SCN10A: variants seen among roughly 807,000 people sequenced by gnomAD.
SCN10A encodes sodium voltage-gated channel alpha subunit 10, also known as sodium channel protein type 10 subunit alpha.
Under a neutral mutation model 170.7 loss-of-function variants are expected in SCN10A, and 162 were observed. The ratio of observed to expected loss-of-function variants is 0.95; its 90% CI spans 0.84 to 1.08. SCN10A has a LOEUF of 1.08. Ranked by LOEUF, SCN10A falls within the 50% of genes least tolerant of loss-of-function variation. The pLI, the probability that SCN10A is intolerant of heterozygous loss-of-function variation, is 0.00. For missense variants in SCN10A, 2,527 were observed against 2,436.9 expected (o/e 1.04, Z -0.78); for synonymous variants, 985 against 904.6 (o/e 1.09, Z -1.59).
chr3:38,735,278 G>A (rs2063549423), intron 15 of SCN10A, among the ~76,000 whole-genome samples: 1 of 151,176 alleles, frequency 6.6e-6, no homozygotes, highest in South Asian at 2.1e-4. Context: ...TAAATTATTA[G>A]AATTAATAAG....
At chr3:38,749,927 G>A (rs2063729522) in intron 13 of SCN10A, 146 bp downstream of exon 13, 1 of 441,228 alleles carries the variant, frequency 2.3e-6, no homozygotes, top group Non-Finnish European at 4.0e-6. Flanking sequence ...AAAGATGGTG[G>A]GGCCTAAGAC....
chr3:38,697,535 A>G lies in SCN10A; in HGVS notation c.5685T>C (p.Val1895=), dbSNP rs373128353. The G allele has an allele frequency of 1.2e-6, 2 of 1,614,072 alleles. No individual in the cohort carries two copies. The highest frequency in any genetic ancestry group is 2.7e-5 in the African/African-American group (2 of 74,928). Residue 1895 remains valine (V), a synonymous_variant, in exon 28 of 28, where the codon GTT becomes GTC. Transcript: ENST00000449082. ...CACAATTTTCATTTGCTGTGAATGC[A>G]ACAAAACCTTCATCTGGGAGTGATG... ...EAASLPDEGF[V]AFTANENCVL...
chr3:38,801,508 G>A (rs79841543), intron 1 of SCN10A, among the ~76,000 whole-genome samples: 2,492 of 152,226 alleles, frequency 0.016, 50 homozygotes, highest in African/African-American at 0.056. Context: ...TCTGGGGCAG[G>A]TCTGGCTGAC....
intron 1 of SCN10A, among the ~76,000 whole-genome samples, chr3:38,805,272 G>A (rs1306947785): frequency 2.0e-5 from 3 of 152,120 alleles, no homozygotes; most frequent in African/African-American, 7.2e-5. Context: ...GACTGAGCTG[G>A]TGCTGAGAAA....
intron 4 of SCN10A, among the ~76,000 whole-genome samples, chr3:38,778,207 T>C (rs965061573): frequency 8.5e-5 from 13 of 152,052 alleles, no homozygotes; most frequent in East Asian, 1.9e-4. Context: ...CTTTGCCAGG[T>C]GAGAAAACAT....
At chr3:38,772,225 A>G (rs181660507) in intron 4 of SCN10A, among the ~76,000 whole-genome samples, 48 of 152,108 alleles carry the variant, frequency 3.2e-4, no homozygotes, top group Admixed American at 7.2e-4. Flanking sequence ...TTTAGAGCCC[A>G]TGAAGATGCT....
chr3:38,750,996 T>C (rs1308228526), intron 12 of SCN10A, among the ~76,000 whole-genome samples: 1 of 152,210 alleles, frequency 6.6e-6, no homozygotes, highest in East Asian at 1.9e-4. Flanking sequence ...CTCTACCTTC[T>C]CCACTGTCTC....
chr3:38,741,104 T>C (rs1315031069), intron 14 of SCN10A, among the ~76,000 whole-genome samples: 2 of 152,090 alleles, frequency 1.3e-5, no homozygotes, highest in East Asian at 3.9e-4. Flanking sequence ...TAGGGACAAG[T>C]AGTCACATTT....
At chr3:38,740,983 G>A (rs2063625269) in intron 14 of SCN10A, among the ~76,000 whole-genome samples, 5 of 152,086 alleles carry the variant, frequency 3.3e-5, no homozygotes, top group Admixed American at 3.3e-4. Flanking sequence ...ACTTTAGGAT[G>A]TGACCTCAGC....
In SCN10A at chr3:38,725,284, C is replaced by CTGG. The variant is rs1449757923; in HGVS notation, c.3117_3118insCCA (p.Cys1039_Gly1040insPro). 9 of 1,590,042 alleles carry CTGG rather than the reference C, an allele frequency of 5.7e-6. No homozygotes were observed. The highest frequency in any genetic ancestry group is 7.7e-6 in the Non-Finnish European group (9 of 1,162,456). On this transcript the variant is annotated inframe_insertion, in exon 18 of 28. Coordinates refer to ENST00000449082, the MANE Select transcript of SCN10A (RefSeq NM_006514.4). Reference sequence around the variant, plus strand: ...GGGCTCCTGGGTGTCAGGTGGTCCCCACACCTCTCGACTTGCTGCAGCTGC... The same window carrying CTGG: ...GGGCTCCTGGGTGTCAGGTGGTCCCCTGGACACCTCTCGACTTGCTGCAGCTGC...
intron 6 of SCN10A, 140 bp from the exon 7 acceptor site, chr3:38,761,523 C>G: frequency 1.8e-6 from 1 of 567,624 alleles, no homozygotes; most frequent in Non-Finnish European, 2.9e-6. Flanking sequence ...CAAGACCTTT[C>G]TCATCCGAAG....
In SCN10A at chr3:38,737,725, C is replaced by T. The variant is rs1466606757; in HGVS notation, c.2280+1790G>A. Among the ~76,000 whole-genome samples the T allele has an allele frequency of 1.1e-4, 17 of 150,396 alleles. No individual in the cohort carries two copies. In the South Asian group the frequency reaches 2.4e-3, roughly 21 times the overall value. On this transcript the variant is annotated intron_variant, in intron 15 of 27. Transcript: ENST00000449082. ...TGACAATAATGGACAGGCCATAGCT[C>T]GTCCTTCCCTCCCTCCCTCCCTCTC...
chr3:38,799,231 C>T (rs74828880), intron 1 of SCN10A, among the ~76,000 whole-genome samples: 3,308 of 152,248 alleles, frequency 0.022, 105 homozygotes, highest in African/African-American at 0.074. Flanking sequence ...CTTTCCTTCC[C>T]TCTCTGGCCC....
intron 4 of SCN10A, among the ~76,000 whole-genome samples, chr3:38,779,479 C>T (rs1559460984): frequency 2.0e-5 from 3 of 152,004 alleles, no homozygotes; most frequent in Non-Finnish European, 4.4e-5. Context: ...CATATTTTTA[C>T]AACAGCATTT....
At chr3:38,792,357 C>T (rs2064293694) in intron 2 of SCN10A, among the ~76,000 whole-genome samples, 189 bp from the exon 3 acceptor site, 1 of 152,132 alleles carries the variant, frequency 6.6e-6, no homozygotes, top group Non-Finnish European at 1.5e-5. Context: ...GCCATATCCT[C>T]ACCCTCTCAG....
chr3:38,807,863 G>A lies in SCN10A; in HGVS notation c.-33+8174C>T, dbSNP rs978844174. Reference sequence around the variant, plus strand: ...CCTCTCCCCACCTCTTCACATGTGCGCCAACCACCAAGTCACAACCATTTC... The same window carrying A: ...CCTCTCCCCACCTCTTCACATGTGCACCAACCACCAAGTCACAACCATTTC... On this transcript the variant is annotated intron_variant, in intron 1 of 27. Transcript: ENST00000449082. Among the ~76,000 whole-genome samples, 14 of 151,942 alleles carry A rather than the reference G, an allele frequency of 9.2e-5. 1 individual carries two copies. The highest frequency in any genetic ancestry group is 3.3e-4 in the Admixed American group (5 of 15,242).
chr3:38,780,720 T>C (rs1003126543), intron 4 of SCN10A, among the ~76,000 whole-genome samples: 3 of 152,126 alleles, frequency 2.0e-5, no homozygotes, highest in African/African-American at 7.2e-5. Context: ...AATTATGTTA[T>C]ACAAAAAGCA....
chr3:38,784,401 T>C (rs560552869), intron 4 of SCN10A, among the ~76,000 whole-genome samples: 1 of 152,176 alleles, frequency 6.6e-6, no homozygotes, highest in Non-Finnish European at 1.5e-5. Flanking sequence ...TCTCAATAGA[T>C]GCAGAAAAGG....
At chr3:38,803,654 T>G (rs1387812856) in intron 1 of SCN10A, among the ~76,000 whole-genome samples, 83 of 40,336 alleles carry the variant, frequency 2.1e-3, no homozygotes, top group Non-Finnish European at 3.1e-3. Context: ...TGTCGTGAGG[T>G]GGGGGGAGGG....
Sources: gnomAD v4.1 joint callset for allele counts (sites outside exome capture counted in the v4.1 genomes callset) on GRCh38, gnomAD v4.1.1 for gene constraint, MANE v1.5 for transcripts, NCBI Gene and HGNC (gene_info 2026-07-23, HGNC 2026-07-21) for gene names.